FIGN: variants seen among roughly 807,000 people sequenced by gnomAD.
FIGN encodes fidgetin.
FIGN carries 11 observed loss-of-function variants against 51.3 expected under a neutral mutation model. The observed-to-expected ratio is 0.21, with a 90% CI of 0.13 to 0.35. FIGN has a LOEUF of 0.35. Among genes scored for constraint, FIGN ranks in the 10% least tolerant of loss-of-function variants. The pLI is 1.00. For missense variants in FIGN, 857 were observed against 943.6 expected (o/e 0.91, Z 1.20); for synonymous variants, 407 against 363.2 (o/e 1.12, Z -1.37).
intron 2 of FIGN, among the ~76,000 whole-genome samples, chr2:163,685,074 C>T (rs1473970717): frequency 6.6e-6 from 1 of 151,846 alleles, no homozygotes; most frequent in Non-Finnish European, 1.5e-5. Flanking sequence ...CGTGAGCTAC[C>T]GCACCCAGTG....
intron 2 of FIGN, among the ~76,000 whole-genome samples, chr2:163,706,144 TA>T (rs779154510): frequency 6.6e-5 from 10 of 152,170 alleles, no homozygotes; most frequent in African/African-American, 2.4e-4. Flanking sequence ...TAAAGCTTGT[TA>T]AATGCTACGC....
rs748135782 is a variant in FIGN, at chr2:163,610,540, C to G, written c.1292G>C (p.Gly431Ala). Residue 431 changes from glycine to alanine, a missense_variant, in exon 3 of 3, where the codon GGG becomes GCG. Physicochemically the swap from Gly to Ala is moderately conservative, Grantham distance 60. Transcript: ENST00000333129. ...AGAGAGGAGCTGCCTGTGCTCGTCCCCATGCTCACTCATTACTGGCGATGT... is the reference window on the plus strand; with the variant it reads ...AGAGAGGAGCTGCCTGTGCTCGTCCGCATGCTCACTCATTACTGGCGATGT... ...KYTSPVMSEH[G>A]DEHRQLLSHP... 3 of 1,614,160 alleles carry G rather than the reference C, an allele frequency of 1.9e-6. No individual in the cohort carries two copies. Among genetic ancestry groups the G allele is most frequent in the Middle Eastern group, 1.6e-4 (1 of 6,062 alleles).
intron 2 of FIGN, among the ~76,000 whole-genome samples, chr2:163,726,643 A>G (rs1205600007): frequency 1.3e-5 from 2 of 152,082 alleles, no homozygotes; most frequent in East Asian, 3.9e-4. Context: ...AGGAATACCA[A>G]AAGTGTCCCT....
chr2:163,734,881 G>T, intron 2 of FIGN, 22 bp downstream of exon 2: 1 of 1,599,346 alleles, frequency 6.3e-7, no homozygotes, highest in African/African-American at 1.3e-5. Flanking sequence ...TGCAAAGGAA[G>T]TAAATTCCAA....
intron 2 of FIGN, among the ~76,000 whole-genome samples, chr2:163,692,733 A>G (rs1321270962): frequency 6.6e-6 from 1 of 152,210 alleles, no homozygotes; most frequent in African/African-American, 2.4e-5. Context: ...AAAAAGAAAA[A>G]AACAAACGAG....
At chr2:163,651,838 A>C (rs927713242) in intron 2 of FIGN, among the ~76,000 whole-genome samples, 2 of 152,206 alleles carry the variant, frequency 1.3e-5, no homozygotes, top group African/African-American at 4.8e-5. Context: ...TGTTATTGTT[A>C]GCACCAAAGC....
At chr2:163,714,479 A>T (rs780113682) in intron 2 of FIGN, among the ~76,000 whole-genome samples, 1 of 152,214 alleles carries the variant, frequency 6.6e-6, no homozygotes, top group Non-Finnish European at 1.5e-5. Flanking sequence ...GCATATGTCC[A>T]TGAATTCCAC....
chr2:163,670,429 A>C (rs542815954), intron 2 of FIGN, among the ~76,000 whole-genome samples: 2 of 152,352 alleles, frequency 1.3e-5, no homozygotes, highest in Admixed American at 6.5e-5. Flanking sequence ...GTCATCAACT[A>C]AACAGCATGT....
chr2:163,730,883 A>G (rs543698694), intron 2 of FIGN, among the ~76,000 whole-genome samples: 1 of 152,284 alleles, frequency 6.6e-6, no homozygotes, highest in South Asian at 2.1e-4. Context: ...TTGCTCTTCA[A>G]CAATGAACAC....
chr2:163,644,915 G>A (rs1236600107), intron 2 of FIGN, among the ~76,000 whole-genome samples: 1 of 152,160 alleles, frequency 6.6e-6, no homozygotes, highest in Non-Finnish European at 1.5e-5. Context: ...TTAGGGCTAT[G>A]GCAGGGGAGG....
chr2:163,700,742 C>T (rs930323993), intron 2 of FIGN, among the ~76,000 whole-genome samples: 2 of 152,090 alleles, frequency 1.3e-5, no homozygotes, highest in African/African-American at 2.4e-5. Flanking sequence ...TCTGGGATGG[C>T]ATTTTGTGAA....
intron 2 of FIGN, among the ~76,000 whole-genome samples, chr2:163,663,009 G>A (rs1366034238): frequency 1.3e-5 from 2 of 152,126 alleles, no homozygotes; most frequent in Non-Finnish European, 2.9e-5. Context: ...TTTCTTCCCA[G>A]TCTTGGTATG....
intron 2 of FIGN, among the ~76,000 whole-genome samples, chr2:163,728,429 CACACACACAA>C (rs753411801): frequency 2.9e-4 from 44 of 151,722 alleles, no homozygotes; most frequent in Non-Finnish European, 5.0e-4. Context: ...CACACACACA[CACACACACAA>C]AGTTCCTTTT....
intron 2 of FIGN, among the ~76,000 whole-genome samples, chr2:163,667,214 A>T (rs1683793633): frequency 6.6e-6 from 1 of 151,848 alleles, no homozygotes; most frequent in Non-Finnish European, 1.5e-5. Context: ...TCGCCATTCT[A>T]CATTCTTTCT....
intron 2 of FIGN, among the ~76,000 whole-genome samples, chr2:163,649,409 G>A (rs1353754855): frequency 6.6e-6 from 1 of 152,136 alleles, no homozygotes; most frequent in East Asian, 1.9e-4. Flanking sequence ...TTGGGGGTCT[G>A]ACTTTTAATG....
intron 2 of FIGN, among the ~76,000 whole-genome samples, chr2:163,730,500 G>A (rs74933019): frequency 0.095 from 13,030 of 137,788 alleles, 692 homozygotes; most frequent in Admixed American, 0.12. Flanking sequence ...CTCTTGCTCC[G>A]TGTTTGTGTG....
intron 2 of FIGN, among the ~76,000 whole-genome samples, chr2:163,680,600 G>T (rs1352970186): frequency 6.6e-6 from 1 of 151,996 alleles, no homozygotes; most frequent in East Asian, 1.9e-4. Context: ...CCATCCTTTT[G>T]TTCATGCTGC....
chr2:163,641,990 CT>C (rs1281487587), intron 2 of FIGN, among the ~76,000 whole-genome samples: 1 of 152,186 alleles, frequency 6.6e-6, no homozygotes, highest in Non-Finnish European at 1.5e-5. Flanking sequence ...ATAAAGAATA[CT>C]GTCAAACTGT....
chr2:163,631,905 T>C (rs1167424622), intron 2 of FIGN, among the ~76,000 whole-genome samples: 6 of 152,178 alleles, frequency 3.9e-5, no homozygotes, highest in Non-Finnish European at 8.8e-5. Flanking sequence ...CCCAGCACTT[T>C]GGGAGGCCGA....
Sources: gnomAD v4.1 joint callset for allele counts (sites outside exome capture counted in the v4.1 genomes callset) on GRCh38, gnomAD v4.1.1 for gene constraint, MANE v1.5 for transcripts, NCBI Gene and HGNC (gene_info 2026-07-23, HGNC 2026-07-21) for gene names.